Variants in ADAMTS17 observed in about 807,000 individuals in gnomAD.
ADAMTS17 encodes A disintegrin and metalloproteinase with thrombospondin motifs 17.
In ADAMTS17, 113 loss-of-function variants were observed where a neutral mutation model predicts 141.5. The ratio of observed to expected loss-of-function variants is 0.80; its 90% CI spans 0.69 to 0.93. The LOEUF is 0.93. Ranked by LOEUF, ADAMTS17 falls within the 40% of genes least tolerant of loss-of-function variation. ADAMTS17 has a pLI of 0.00. For missense variants in ADAMTS17, 1,659 were observed against 1,517.9 expected, an observed-to-expected ratio of 1.09 and a Z score of -1.54; for synonymous variants, 768 against 630.6, an observed-to-expected ratio of 1.22 and a Z score of -3.27.
chr15:100,214,094 G>A (rs1469355486), intron 7 of ADAMTS17, among the ~76,000 whole-genome samples: 1 of 152,186 alleles, frequency 6.6e-6, no homozygotes, highest in Admixed American at 6.5e-5. Flanking sequence ...CCTGGATAGA[G>A]TTATCTCAGT....
intron 3 of ADAMTS17, among the ~76,000 whole-genome samples, chr15:100,323,169 T>C (rs2045787511): frequency 6.6e-6 from 1 of 151,762 alleles, no homozygotes; most frequent in Non-Finnish European, 1.5e-5. Flanking sequence ...TTCAATTAAT[T>C]TATAGCATAA....
intron 18 of ADAMTS17, among the ~76,000 whole-genome samples, chr15:100,032,340 T>C (rs937847534): frequency 1.3e-5 from 2 of 152,234 alleles, no homozygotes; most frequent in African/African-American, 4.8e-5. Flanking sequence ...CCAGGTCTCC[T>C]GGGAAACCAC....
chr15:100,298,081 C>A (rs558335223), intron 3 of ADAMTS17, among the ~76,000 whole-genome samples: 28 of 151,888 alleles, frequency 1.8e-4, no homozygotes, highest in African/African-American at 6.5e-4. Flanking sequence ...CAGATGCAGG[C>A]GAAAACCAGA....
chr15:100,180,848 G>C (rs1242445570), intron 8 of ADAMTS17, among the ~76,000 whole-genome samples: 4 of 152,170 alleles, frequency 2.6e-5, no homozygotes, highest in East Asian at 1.9e-4. Flanking sequence ...CAAAGTCCCA[G>C]GGTGCTACAA....
chr15:100,330,933 G>A lies in ADAMTS17; in HGVS notation c.572C>T (p.Ser191Phe). Residue 191 changes from serine (S) to phenylalanine (F), a missense_variant, in exon 3 of 22, where the codon TCT becomes TTT. Physicochemically the swap from Ser to Phe is radical, Grantham distance 155. Coordinates refer to ENST00000268070, the MANE Select transcript of ADAMTS17 (RefSeq NM_139057.4). ...RRKWSLTPSP[S>F]AEAQRPEQLC... ...CTGCTCAGGTCTCTGGGCCTCAGCAGAAGGGCTGGGGGTCAAGGACCATTT... is the reference window on the plus strand; with the variant it reads ...CTGCTCAGGTCTCTGGGCCTCAGCAAAAGGGCTGGGGGTCAAGGACCATTT... 6.2e-7 allele frequency: 1 copy of A among 1,614,180 alleles called. No homozygotes were observed. Among genetic ancestry groups the A allele is most frequent in the Non-Finnish European group, 8.5e-7 (1 of 1,180,034 alleles).
chr15:100,185,377 G>T (rs116711701), intron 8 of ADAMTS17, among the ~76,000 whole-genome samples: 1,938 of 152,282 alleles, frequency 0.013, 43 homozygotes, highest in African/African-American at 0.043. Context: ...TACTACACCT[G>T]TGAACCCACA....
chr15:100,070,260 C>G (rs199631205), intron 15 of ADAMTS17, among the ~76,000 whole-genome samples: 22,399 of 149,288 alleles, frequency 0.15, 3,249 homozygotes, highest in East Asian at 0.54. Context: ...GAGTGACCTA[C>G]AAAGAGACTT....
intron 18 of ADAMTS17, among the ~76,000 whole-genome samples, chr15:100,036,431 C>T (rs907219586): frequency 1.3e-5 from 2 of 152,196 alleles, no homozygotes; most frequent in Non-Finnish European, 2.9e-5. Flanking sequence ...ACAATTAGGA[C>T]CTTTCTAGCA....
At chr15:100,251,838 G>A (rs912968724) in intron 7 of ADAMTS17, among the ~76,000 whole-genome samples, 1 of 152,198 alleles carries the variant, frequency 6.6e-6, no homozygotes. Context: ...GAACAGGCAG[G>A]TGCGCACACA....
intron 4 of ADAMTS17, among the ~76,000 whole-genome samples, chr15:100,266,763 C>T (rs537008122): frequency 6.6e-6 from 1 of 152,308 alleles, no homozygotes; most frequent in African/African-American, 2.4e-5. Flanking sequence ...GGCCCTGATA[C>T]CTGTCACTGC....
intron 4 of ADAMTS17, among the ~76,000 whole-genome samples, chr15:100,276,362 G>A (rs190009741): frequency 1.2e-3 from 44 of 36,070 alleles, no homozygotes; most frequent in African/African-American, 2.2e-3. Flanking sequence ...CTGGTGGGAG[G>A]GAGTGGGTGC....
chr15:100,301,700 C>G (rs1445061345), intron 3 of ADAMTS17, among the ~76,000 whole-genome samples: 1 of 152,080 alleles, frequency 6.6e-6, no homozygotes, highest in Non-Finnish European at 1.5e-5. Context: ...AGTAAATTAT[C>G]TTTACCATCT....
At chr15:100,027,879 G>A (rs2061547005) in intron 18 of ADAMTS17, among the ~76,000 whole-genome samples, 1 of 152,216 alleles carries the variant, frequency 6.6e-6, no homozygotes. Context: ...GAGTCAGAAG[G>A]AGTGGGCTGG....
At chr15:99,983,146 T>C (rs765478969) in intron 20 of ADAMTS17, among the ~76,000 whole-genome samples, 1 of 152,156 alleles carries the variant, frequency 6.6e-6, no homozygotes, top group Non-Finnish European at 1.5e-5. Context: ...TCTTTAATAA[T>C]AACAGTAACG....
At chr15:100,339,890 T>TA (rs147653571) in intron 2 of ADAMTS17, among the ~76,000 whole-genome samples, 2,867 of 152,252 alleles carry the variant, frequency 0.019, 32 homozygotes, top group Middle Eastern at 0.027. Context: ...AGGTCTCACA[T>TA]AAGACCTTGC....
chr15:100,145,389 C>T (rs977350117), intron 10 of ADAMTS17, among the ~76,000 whole-genome samples: 16 of 152,160 alleles, frequency 1.1e-4, no homozygotes, highest in African/African-American at 2.7e-4. Context: ...ATTTTTCTTT[C>T]GTTTTACAGC....
At chr15:99,976,648 C>T in intron 20 of ADAMTS17, 1 of 303,740 alleles carries the variant, frequency 3.3e-6, no homozygotes, top group South Asian at 3.3e-5. Flanking sequence ...AGCCTCCATG[C>T]TGGGAATAGT....
chr15:100,055,784 C>T (rs1056871242), intron 15 of ADAMTS17, among the ~76,000 whole-genome samples: 1 of 152,174 alleles, frequency 6.6e-6, no homozygotes, highest in Non-Finnish European at 1.5e-5. Flanking sequence ...ATTTAAGGTG[C>T]ATATTCTCTA....
At chr15:100,084,593 C>G (rs376384324) in intron 15 of ADAMTS17, among the ~76,000 whole-genome samples, 5 of 152,350 alleles carry the variant, frequency 3.3e-5, no homozygotes, top group African/African-American at 1.2e-4. Flanking sequence ...AGGCACCCCC[C>G]TGTAGGGGCG....
Sources: allele counts gnomAD v4.1 joint callset (sites outside exome capture counted in the v4.1 genomes callset), GRCh38; gene constraint gnomAD v4.1.1; transcripts MANE v1.5; gene names NCBI Gene and HGNC (gene_info 2026-07-23, HGNC 2026-07-21).